Variants in C4BPA observed in about 807,000 individuals in gnomAD.
C4BPA encodes the protein C4b-binding protein alpha chain.
A neutral mutation model predicts 63.7 loss-of-function variants in C4BPA; 31 were observed. That is an observed-to-expected ratio of 0.49 (90% CI 0.37 to 0.66). The LOEUF is 0.66. Ranked by LOEUF, C4BPA falls within the 30% of genes least tolerant of loss-of-function variation. C4BPA has a pLI of 0.00. For synonymous variants in C4BPA, 259 were observed against 254.7 expected (o/e 1.02, Z -0.16); for missense variants, 572 against 723.3 (o/e 0.79, Z 2.40).
chr1:207,118,629 G>A (rs1684863494), intron 4 of C4BPA, among the ~76,000 whole-genome samples: 1 of 152,090 alleles, frequency 6.6e-6, no homozygotes, highest in Non-Finnish European at 1.5e-5. Context: ...ATGACACATG[G>A]GGATTATAGG....
intron 6 of C4BPA, among the ~76,000 whole-genome samples, chr1:207,125,856 G>A (rs1685028216): frequency 6.6e-6 from 1 of 152,150 alleles, no homozygotes; most frequent in African/African-American, 2.4e-5. Flanking sequence ...CATGGCAGTG[G>A]GGCTGGACAG....
At chr1:207,138,041 C>T (rs1316340247) in intron 9 of C4BPA, among the ~76,000 whole-genome samples, 2 of 152,200 alleles carry the variant, frequency 1.3e-5, no homozygotes, top group African/African-American at 4.8e-5. Context: ...CTCTGGAATG[C>T]CTTGGCCGAG....
chr1:207,139,501 G>T (rs1194030279), intron 9 of C4BPA, among the ~76,000 whole-genome samples: 1 of 152,198 alleles, frequency 6.6e-6, no homozygotes, highest in East Asian at 1.9e-4. Flanking sequence ...AGTAGCAATT[G>T]CTTTCACTTG....
chr1:207,135,343 GAA>G (rs373480285), intron 9 of C4BPA, among the ~76,000 whole-genome samples: 1 of 145,872 alleles, frequency 6.9e-6, no homozygotes, highest in African/African-American at 2.5e-5. Context: ...GTCCCAAAAA[GAA>G]AAAAAAAAGG....
At chr1:207,111,029 T>C (rs1684657902) in intron 1 of C4BPA, among the ~76,000 whole-genome samples, 2 of 152,238 alleles carry the variant, frequency 1.3e-5, no homozygotes, top group South Asian at 4.1e-4. Context: ...AGAAACTTTT[T>C]CCCATAGTTT....
At chr1:207,107,966 G>A (rs576587498) in intron 1 of C4BPA, among the ~76,000 whole-genome samples, 1 of 152,182 alleles carries the variant, frequency 6.6e-6, no homozygotes, top group Non-Finnish European at 1.5e-5. Flanking sequence ...GGGAGGCTGG[G>A]TGGAGATTGT....
rs760726989 is a variant in C4BPA, at chr1:207,134,463, C to A, written c.1144C>A (p.Arg382Ser). Reference sequence around the variant, plus strand: ...TGAAATCACTCAACACAGGAAAAGTCGTCCTGCCAATCACTGTGTTTATTT... The same window carrying A: ...TGAAATCACTCAACACAGGAAAAGTAGTCCTGCCAATCACTGTGTTTATTT... ...NGEITQHRKSRPANHCVYFYG... is the reference protein window; with the variant it reads ...NGEITQHRKSSPANHCVYFYG... Residue 382 changes from arginine to serine, a missense_variant, in exon 9 of 12, where the codon CGT (arginine) becomes AGT (serine). Transcript: ENST00000367070. 5 of 1,613,610 alleles carry A rather than the reference C, an allele frequency of 3.1e-6. No homozygotes were observed. Among genetic ancestry groups the A allele is most frequent in the Non-Finnish European group, 4.2e-6 (5 of 1,179,678 alleles).
intron 4 of C4BPA, among the ~76,000 whole-genome samples, chr1:207,118,892 C>T (rs1684868763): frequency 6.6e-6 from 1 of 151,972 alleles, no homozygotes; most frequent in South Asian, 2.1e-4. Flanking sequence ...ATTGTAGGGA[C>T]CTGACTTGAC....
chr1:207,109,012 C>T (rs773729490), intron 1 of C4BPA, among the ~76,000 whole-genome samples: 20 of 152,128 alleles, frequency 1.3e-4, no homozygotes, highest in East Asian at 3.9e-4. Context: ...TGAGCTACCG[C>T]GTCTGACCTG....
At chr1:207,114,016 G>A in intron 2 of C4BPA, 84 bp from the exon 3 acceptor site, 2 of 1,167,212 alleles carry the variant, frequency 1.7e-6, no homozygotes, top group Non-Finnish European at 2.5e-6. Flanking sequence ...AACGATCCCT[G>A]CTCTAAACAT....
chr1:207,116,556 GTGTA>G (rs1248859790), intron 4 of C4BPA, among the ~76,000 whole-genome samples: 2 of 147,206 alleles, frequency 1.4e-5, no homozygotes, highest in Non-Finnish European at 3.0e-5. Context: ...GTGTGTGTGT[GTGTA>G]TAATGTTTTT....
intron 3 of C4BPA, among the ~76,000 whole-genome samples, chr1:207,114,517 A>G (rs1295628430): frequency 8.8e-6 from 1 of 113,038 alleles, no homozygotes; most frequent in South Asian, 2.7e-4. Flanking sequence ...TTTTTGAGAC[A>G]GAGTCTAGCT....
chr1:207,134,346 C>A, intron 8 of C4BPA, 58 bp from the exon 9 acceptor site: 1 of 1,259,386 alleles, frequency 7.9e-7, no homozygotes, highest in Non-Finnish European at 1.1e-6. Context: ...GGTTGTTAGC[C>A]ATAGAAGCTT....
intron 1 of C4BPA, among the ~76,000 whole-genome samples, chr1:207,106,530 C>G (rs1291620354): frequency 7.9e-6 from 1 of 126,400 alleles, no homozygotes; most frequent in East Asian, 2.8e-4. Context: ...AGCTCCGTCT[C>G]CCGGGTTCAC....
At chr1:207,126,045 C>T (rs1685035114) in intron 6 of C4BPA, among the ~76,000 whole-genome samples, 2 of 151,886 alleles carry the variant, frequency 1.3e-5, no homozygotes, top group African/African-American at 4.8e-5. Flanking sequence ...GGACCCATAA[C>T]CAAAATCATC....
rs111853821 is a variant in C4BPA at position 207,118,161 on chromosome 1, G to A, written c.428+2646G>A. 7.0e-3 allele frequency among the ~76,000 whole-genome samples: 972 copies of A among 138,182 alleles called. 15 individuals carry two copies. Among genetic ancestry groups the A allele is most frequent in the African/African-American group, 0.012 (481 of 38,532 alleles). 90.7% of individuals were successfully genotyped at this position (138,182 alleles called of 152,430 possible). ...TGTCTGTCTGTCTGTCTGTCTGTCTGTCTGTCTATCTATCTATATCTATCT... is the reference window on the plus strand; with the variant it reads ...TGTCTGTCTGTCTGTCTGTCTGTCTATCTGTCTATCTATCTATATCTATCT... On this transcript the variant is annotated intron_variant, in intron 4 of 11. Transcript: ENST00000367070.
Position 207,124,188 on chromosome 1 carries a change from G to A in C4BPA, c.528G>A (p.Lys176=). Residue 176 remains lysine, a synonymous_variant, in exon 6 of 12, where the codon AAG becomes AAA. Coordinates refer to ENST00000367070, the MANE Select transcript of C4BPA (RefSeq NM_000715.4). ...CACTTACCTCAGTTGTCAAGTGTAA[G>A]CCTCCTCCAGACATCAGGAATGGAA... ...PLPQCEIVKC[K]PPPDIRNGRH... 6.2e-7 allele frequency: 1 copy of A among 1,613,642 alleles called. No individual in the cohort carries two copies. The highest frequency in any genetic ancestry group is 8.5e-7 in the Non-Finnish European group (1 of 1,179,682).
At chr1:207,120,954 A>G (rs527520299) in intron 4 of C4BPA, among the ~76,000 whole-genome samples, 1 of 152,332 alleles carries the variant, frequency 6.6e-6, no homozygotes, top group African/African-American at 2.4e-5. Context: ...GCCTACAGGC[A>G]TGTGCCATGA....
chr1:207,142,863 T>C (rs554515651), intron 10 of C4BPA, among the ~76,000 whole-genome samples: 16 of 151,978 alleles, frequency 1.1e-4, no homozygotes, highest in South Asian at 4.1e-4. Flanking sequence ...TGTGGAGAAA[T>C]AGGAACACTT....
Sources: allele counts gnomAD v4.1 joint callset (sites outside exome capture counted in the v4.1 genomes callset), GRCh38; gene constraint gnomAD v4.1.1; transcripts MANE v1.5; gene names NCBI Gene and HGNC (gene_info 2026-07-23, HGNC 2026-07-21).